LIPJ: variants seen among roughly 807,000 people sequenced by gnomAD.
The protein encoded by LIPJ is lipase family member J, also known as lipase member J.
A neutral mutation model predicts 39.8 loss-of-function variants in LIPJ; 33 were observed. The ratio of observed to expected loss-of-function variants is 0.83; its 90% confidence interval spans 0.63 to 1.11. LIPJ has a LOEUF of 1.11. Ranked by LOEUF, LIPJ falls within the 50% of genes least tolerant of loss-of-function variation. The pLI is 0.00. For synonymous variants in LIPJ, 128 were observed against 139.2 expected (o/e 0.92, Z 0.57); for missense variants, 422 against 427.9 (o/e 0.99, Z 0.12).
chr10:88,611,393 C>T (rs1338798929), downstream of LIPJ, among the ~76,000 whole-genome samples: 1 of 152,162 alleles, frequency 6.6e-6, no homozygotes, highest in Non-Finnish European at 1.5e-5. Flanking sequence ...AGCTCACCAG[C>T]AATGGATCCA....
exon 8 of LIPJ, chr10:88,596,791 C>A (rs760945232): frequency 1.9e-5 from 30 of 1,598,530 alleles, no homozygotes; most frequent in Non-Finnish European, 2.6e-5. Flanking sequence ...ATTTTACAGG[C>A]TTTTTCAGGC....
chr10:88,602,728 T>C, intron 9 of LIPJ, 81 bp downstream of exon 9: 1 of 746,664 alleles, frequency 1.3e-6, no homozygotes, highest in Non-Finnish European at 2.2e-6. Flanking sequence ...GATCATACCA[T>C]GGCCATAGAG....
chr10:88,598,483 T>G (rs979328370), intron 8 of LIPJ, among the ~76,000 whole-genome samples: 4 of 152,016 alleles, frequency 2.6e-5, no homozygotes, highest in Non-Finnish European at 4.4e-5. Context: ...TGGTGATGAT[T>G]TACAAAAAGA....
chr10:88,584,746 C>A (rs183790431), upstream of LIPJ, among the ~76,000 whole-genome samples: 3 of 152,220 alleles, frequency 2.0e-5, no homozygotes, highest in African/African-American at 4.8e-5. Flanking sequence ...TACAGGTGCC[C>A]ACCGCCACGT....
At chr10:88,621,100 T>C in the LIPJ span, among the ~76,000 whole-genome samples, 39 of 152,260 alleles carry the variant, frequency 2.6e-4, no homozygotes, top group African/African-American at 9.4e-4. Flanking sequence ...CTTCAACTTA[T>C]GAATTTTTGG....
chr10:88,611,107 C>G (rs1851745732), downstream of LIPJ, among the ~76,000 whole-genome samples: 1 of 152,136 alleles, frequency 6.6e-6, no homozygotes, highest in Admixed American at 6.5e-5. Flanking sequence ...CAGACACTCC[C>G]CAGTACCAGC....
intron 4 of LIPJ, chr10:88,593,112 G>A (rs1851137063): frequency 6.6e-6 from 1 of 151,832 alleles, no homozygotes; most frequent in South Asian, 2.1e-4. Flanking sequence ...CCCTTTCCTC[G>A]TTTTGTAGCA....
At chr10:88,622,404 T>A in the LIPJ span, among the ~76,000 whole-genome samples, 2 of 152,156 alleles carry the variant, frequency 1.3e-5, no homozygotes, top group African/African-American at 4.8e-5. Context: ...TGACGGAAAA[T>A]ATTTTAAGCA....
At chr10:88,613,800 A>ATATATGTGTGTG in the LIPJ span, among the ~76,000 whole-genome samples, 1,492 of 74,034 alleles carry the variant, frequency 0.02, 25 homozygotes, top group South Asian at 0.031. Context: ...ATATATATAT[A>ATATATGTGTGTG]TGTGTGTGTG....
chr10:88,588,705 G>A (rs1431216390), intron 2 of LIPJ, among the ~76,000 whole-genome samples: 2 of 151,752 alleles, frequency 1.3e-5, no homozygotes, highest in African/African-American at 4.8e-5. Flanking sequence ...TTAAAGTTGT[G>A]TTTAACAGAA....
the LIPJ span, among the ~76,000 whole-genome samples, chr10:88,614,773 T>C: frequency 6.6e-6 from 1 of 152,142 alleles, no homozygotes; most frequent in Non-Finnish European, 1.5e-5. Context: ...TTGGAGGATT[T>C]ACCCTATTAA....
the LIPJ span, among the ~76,000 whole-genome samples, chr10:88,613,182 T>C: frequency 6.6e-6 from 1 of 152,108 alleles, no homozygotes; most frequent in Non-Finnish European, 1.5e-5. Flanking sequence ...TTCGGGGCAA[T>C]AGCAGGCATC....
At chr10:88,621,762 A>C in the LIPJ span, among the ~76,000 whole-genome samples, 2 of 152,178 alleles carry the variant, frequency 1.3e-5, no homozygotes, top group Non-Finnish European at 2.9e-5. Flanking sequence ...TCACTAACAC[A>C]ATGATATTTG....
chr10:88,583,143 G>A (rs771948563), upstream of LIPJ: 9 of 1,614,094 alleles, frequency 5.6e-6, no homozygotes, highest in Middle Eastern at 1.6e-4. Flanking sequence ...GCAGCGCAGC[G>A]CACAAGCTTC....
At chr10:88,582,967 G>A, upstream of LIPJ, 2 of 1,303,664 alleles carry the variant, frequency 1.5e-6, no homozygotes, top group East Asian at 2.6e-5. Flanking sequence ...AGGGAGCTGA[G>A]GGTATAGCGT....
At chr10:88,582,931 G>C (rs573294569), upstream of LIPJ, 8 of 967,032 alleles carry the variant, frequency 8.3e-6, no homozygotes, top group South Asian at 1.7e-4. Flanking sequence ...GCCACTCGGC[G>C]CATGGGCCGC....
At chr10:88,608,590 T>G (rs1350334234), downstream of LIPJ, among the ~76,000 whole-genome samples, 1 of 152,184 alleles carries the variant, frequency 6.6e-6, no homozygotes, top group Non-Finnish European at 1.5e-5. Context: ...ATTTACCACA[T>G]AAAGACTAAC....
At position 88,599,666 on chromosome 10, in the gene LIPJ, C is replaced by A. The variant is rs531840052; in HGVS notation, c.723+2730C>A. ...GTATGTATGTATATATATACACATACATTTATATATACATACATATATACA... is the reference window on the plus strand; with the variant it reads ...GTATGTATGTATATATATACACATAAATTTATATATACATACATATATACA... On this transcript the variant is annotated intron_variant, in intron 8 of 10. Transcript: ENST00000371939. Among the ~76,000 whole-genome samples, 8 of 150,304 alleles carry A rather than the reference C, an allele frequency of 5.3e-5. No homozygotes were observed. The South Asian group carries it at 1.7e-3, about 32-fold the overall frequency.
intron 7 of LIPJ, 36 bp from the exon 8 acceptor site, chr10:88,596,754 T>G: frequency 6.5e-7 from 1 of 1,542,182 alleles, no homozygotes; most frequent in Non-Finnish European, 8.9e-7. Flanking sequence ...CTTATTGTGG[T>G]CATCCAAATG....
Sources: allele counts gnomAD v4.1 joint callset (sites outside exome capture counted in the v4.1 genomes callset), GRCh38; gene constraint gnomAD v4.1.1; transcripts MANE v1.5; gene names NCBI Gene and HGNC (gene_info 2026-07-23, HGNC 2026-07-21).